Variants in NOXA1 observed in about 807,000 individuals in gnomAD.
The protein encoded by NOXA1 is NCF2-like protein.
Under a neutral mutation model 64.8 loss-of-function variants are expected in NOXA1, and 56 were observed. The observed-to-expected ratio is 0.86, with a 90% CI of 0.70 to 1.08. The LOEUF (loss-of-function observed/expected upper bound fraction) is 1.08, where lower values mean the gene tolerates loss of function less well. Ranked by LOEUF, NOXA1 falls within the 50% of genes least tolerant of loss-of-function variation. The pLI is 0.00. For synonymous variants in NOXA1, 295 were observed against 294.8 expected (o/e 1.00, Z -0.01); for missense variants, 668 against 658.5 (o/e 1.01, Z -0.16).
Position 137,433,620 on chromosome 9 carries a change from GC to G in NOXA1, c.1064+18del. On this transcript the variant is annotated intron_variant, in intron 11 of 13. Transcript: ENST00000683555. ...TTGGGCAACTCAGGTGGGCCAGAAA[GC>G]CCCCGGTGGCTGCGGTGGAGCTGGG... The G allele has an allele frequency of 6.5e-7, 1 of 1,538,720 alleles. No homozygotes were observed.
intron 1 of NOXA1, among the ~76,000 whole-genome samples, chr9:137,425,510 C>T (rs894197982): frequency 2.6e-5 from 4 of 152,160 alleles, no homozygotes; most frequent in Admixed American, 6.5e-5. Context: ...CTCAACCTCC[C>T]GAGTAGCTGG....
chr9:137,429,121 G>A, intron 4 of NOXA1, 105 bp downstream of exon 4: 1 of 1,420,044 alleles, frequency 7.0e-7, no homozygotes, highest in Non-Finnish European at 9.3e-7. Context: ...TGGCCCTAGT[G>A]CCCAGTTTCG....
chr9:137,429,584 A>G (rs975281757), intron 5 of NOXA1, among the ~76,000 whole-genome samples: 1 of 152,126 alleles, frequency 6.6e-6, no homozygotes, highest in Non-Finnish European at 1.5e-5. Flanking sequence ...GGCAGAGCCC[A>G]CTAGAGCCGG....
At chr9:137,432,206 G>A (rs1588469041) in intron 8 of NOXA1, among the ~76,000 whole-genome samples, 2 of 151,750 alleles carry the variant, frequency 1.3e-5, no homozygotes, top group Middle Eastern at 3.4e-3. Context: ...CTTGAGCCTG[G>A]GAGGTGGAGG....
Position 137,429,344 on chromosome 9 carries a change from G to C in NOXA1, c.573G>C (p.Leu191=), listed in dbSNP as rs777886022. ...GEVFRPHRWH[L]KHLEPVDFLG... ...TCTTCCGGCCCCACCGGTGGCACCT[G>C]AAGCACTTGGAGCCCGTGGATTTCC... The change falls in exon 5 of 14, where the codon CTG becomes CTC. Residue 191 remains leucine (L), a synonymous_variant. Transcript: ENST00000683555. 1 of 1,585,188 alleles carries C rather than the reference G, an allele frequency of 6.3e-7. No individual in the cohort carries two copies. The highest frequency in any genetic ancestry group is 8.6e-7 in the Non-Finnish European group (1 of 1,167,142).
At chr9:137,423,735 G>A (rs533047690) in intron 1 of NOXA1, 29 bp downstream of exon 1, 498 of 1,244,812 alleles carry the variant, frequency 4.0e-4, no homozygotes, top group Non-Finnish European at 4.8e-4. Context: ...GGCCGGTGCG[G>A]GCGACGCCTC....
intron 1 of NOXA1, 26 bp downstream of exon 1, chr9:137,423,732 G>A: frequency 4.8e-6 from 6 of 1,248,752 alleles, no homozygotes; most frequent in South Asian, 2.9e-5. Flanking sequence ...GGAGGCCGGT[G>A]CGGGCGACGC....
At position 137,431,090 on chromosome 9, in the gene NOXA1, C is replaced by G. The variant is rs1314826958; in HGVS notation, c.688C>G (p.His230Asp). Residue 230 changes from histidine to aspartate, a missense_variant, in exon 7 of 14, where the codon CAT becomes GAT. Coordinates refer to ENST00000683555, the MANE Select transcript of NOXA1 (RefSeq NM_001256067.2). The surrounding 1 kb of genome is among the most constrained non-coding windows in gnomAD (Gnocchi z 5.6). ...GTGTCCACAGGGACCAGGAGCGAAC[C>G]ATGATGCCAGGTAGGAGGGGCTGAC... ...PQQPQGPGANHDARSLIMDSP... is the reference protein window; with the variant it reads ...PQQPQGPGANDDARSLIMDSP... The G allele has an allele frequency of 6.2e-7, 1 of 1,613,240 alleles. No individual in the cohort carries two copies. Among genetic ancestry groups the G allele is most frequent in the East Asian group, 2.2e-5 (1 of 44,866 alleles).
chr9:137,427,704 G>C (rs904073719), intron 2 of NOXA1, among the ~76,000 whole-genome samples: 6 of 152,222 alleles, frequency 3.9e-5, no homozygotes, highest in African/African-American at 1.4e-4. Context: ...TGGGGTGGGG[G>C]GCCTGAGAAG....
At chr9:137,424,303 G>T (rs182376843) in intron 1 of NOXA1, among the ~76,000 whole-genome samples, 1 of 152,380 alleles carries the variant, frequency 6.6e-6, no homozygotes, top group East Asian at 1.9e-4. Context: ...GGAACTGCGC[G>T]CTGTGGGAGG....
rs1839091233 is a variant in NOXA1 at position 137,431,144 on chromosome 9, C to G, written c.698+44C>G. Reference sequence around the variant, plus strand: ...GCCCTGCGAGCGCGTGCCTTTCCTGCTGGGCAGAGGCCCTCCACATGGGGC... The same window carrying G: ...GCCCTGCGAGCGCGTGCCTTTCCTGGTGGGCAGAGGCCCTCCACATGGGGC... On this transcript the variant is annotated intron_variant, in intron 7 of 13. Transcript: ENST00000683555. This position sits in a 1 kb window ranked among gnomAD's most constrained non-coding sequence, Gnocchi z 5.6. The G allele has an allele frequency of 6.2e-7, 1 of 1,612,374 alleles. No homozygotes were observed. Among genetic ancestry groups the G allele is most frequent in the South Asian group, 1.1e-5 (1 of 91,036 alleles).
intron 2 of NOXA1, among the ~76,000 whole-genome samples, chr9:137,427,043 CG>C (rs1215672851): frequency 5.3e-5 from 8 of 152,046 alleles, no homozygotes; most frequent in African/African-American, 1.9e-4. Context: ...GTGATCCACC[CG>C]CCTCGGCCTC....
chr9:137,424,417 T>G (rs1838746497), intron 1 of NOXA1, among the ~76,000 whole-genome samples: 1 of 152,178 alleles, frequency 6.6e-6, no homozygotes, highest in South Asian at 2.1e-4. Context: ...AAATTTACAA[T>G]CACCTCCATA....
Position 137,433,268 on chromosome 9 carries a change from G to A in NOXA1, c.909+5G>A, listed in dbSNP as rs761904149. ...GAGGACCCCGCGGGTGCTGGGGTAA[G>A]AGGCTCTAGACCCTTCACCTGTCAG... On this transcript the variant is annotated splice_donor_5th_base_variant and intron_variant, in intron 10 of 13. Transcript: ENST00000683555. The A allele has an allele frequency of 2.5e-6, 4 of 1,581,034 alleles. No homozygotes were observed. The East Asian group carries it at 9.1e-5, about 36-fold the overall frequency.
At chr9:137,433,097 G>C in intron 9 of NOXA1, 23 bp downstream of exon 9, 1 of 1,612,612 alleles carries the variant, frequency 6.2e-7, no homozygotes, top group South Asian at 1.1e-5. Context: ...TCAGCGGCGG[G>C]GTCCCCGGGT....
chr9:137,428,261 A>T, intron 3 of NOXA1, 120 bp downstream of exon 3: 4 of 699,686 alleles, frequency 5.7e-6, no homozygotes, highest in Non-Finnish European at 9.7e-6. Flanking sequence ...GGTGCCATGG[A>T]ATACCCTGGC....
chr9:137,430,597 TGCA>T (rs1233571914), intron 5 of NOXA1, among the ~76,000 whole-genome samples, 184 bp from the exon 6 acceptor site: 1 of 152,238 alleles, frequency 6.6e-6, no homozygotes, highest in Non-Finnish European at 1.5e-5. Context: ...AAGTTAACAT[TGCA>T]GCAGATGTTT....
Position 137,431,255 on chromosome 9 carries a change from C to G in NOXA1, c.718C>G (p.Pro240Ala), listed in dbSNP as rs200420287. Residue 240 changes from proline (P) to alanine (A), a missense_variant, in exon 8 of 14, where the codon CCA becomes GCA. Transcript: ENST00000683555. The surrounding 1 kb of genome is among the most constrained non-coding windows in gnomAD (Gnocchi z 5.6). ...CCCTAGGTCCCTAATCATGGACTCC[C>G]CAAGAGCTGGCACCCACCAGGGCCC... ...HDARSLIMDS[P>A]RAGTHQGPLD... is the part of the protein sequence containing the mutation. 3 of 1,612,730 alleles carry G rather than the reference C, an allele frequency of 1.9e-6. No homozygotes were observed. In the African/African-American group the frequency reaches 4.0e-5, roughly 22 times the overall value.
chr9:137,430,702 G>A (rs1564239491), intron 5 of NOXA1, 82 bp from the exon 6 acceptor site: 5 of 1,266,874 alleles, frequency 3.9e-6, no homozygotes, highest in Non-Finnish European at 5.3e-6. Flanking sequence ...TTAGAGCTGC[G>A]GGGCACGGTG....
Sources: gnomAD v4.1 joint callset for allele counts (sites outside exome capture counted in the v4.1 genomes callset) on GRCh38, gnomAD v4.1.1 for gene constraint, Gnocchi (gnomAD v3.1) non-coding constraint, MANE v1.5 for transcripts, NCBI Gene and HGNC (gene_info 2026-07-23, HGNC 2026-07-21) for gene names.